The following PTPRD variants were observed in gnomAD, a reference collection of about 807,000 sequenced individuals.
The protein encoded by PTPRD is receptor-type tyrosine-protein phosphatase delta.
Under a neutral mutation model 214.5 loss-of-function variants are expected in PTPRD, and 34 were observed. That is an observed-to-expected ratio of 0.16 (90% CI 0.12 to 0.21). The LOEUF is 0.21. PTPRD is among the 10% of genes least tolerant of loss of function. The pLI is 1.00. For synonymous variants in PTPRD, 1,128 were observed against 845.7 expected (o/e 1.33, Z -5.79); for missense variants, 2,545 against 2,398.7 (o/e 1.06, Z -1.27).
chr9:8,452,702 C>G (rs2096008449), intron 33 of PTPRD, among the ~76,000 whole-genome samples: 1 of 152,116 alleles, frequency 6.6e-6, no homozygotes, highest in Non-Finnish European at 1.5e-5. Flanking sequence ...TGGAAGATCA[C>G]TTGACATTTT....
chr9:8,736,477 T>C (rs2090428895), intron 11 of PTPRD, among the ~76,000 whole-genome samples: 1 of 152,180 alleles, frequency 6.6e-6, no homozygotes, highest in South Asian at 2.1e-4. Context: ...CAGGAAATAC[T>C]AGAGATATCC....
intron 10 of PTPRD, among the ~76,000 whole-genome samples, chr9:9,025,397 C>G (rs2099583630): frequency 6.6e-6 from 1 of 151,946 alleles, no homozygotes. Flanking sequence ...AGCTCAGTAG[C>G]AAAATTGTGA....
rs796236031 is a variant in PTPRD at position 10,150,430 on chromosome 9, A to G, written c.-544-116640T>C. 7.2e-5 allele frequency among the ~76,000 whole-genome samples: 11 copies of G among 152,170 alleles called. 1 individual carries two copies. The highest frequency in any genetic ancestry group is 2.4e-4 in the African/African-American group (10 of 41,524). On this transcript the variant is annotated intron_variant, in intron 3 of 45. Coordinates refer to ENST00000381196, the MANE Select transcript of PTPRD (RefSeq NM_002839.4). Reference sequence around the variant, plus strand: ...GCAGAAACAGAAAATCAAACACTGAATGTTCTCACTCATAGGTGGGAATTG... The same window carrying G: ...GCAGAAACAGAAAATCAAACACTGAGTGTTCTCACTCATAGGTGGGAATTG...
intron 7 of PTPRD, among the ~76,000 whole-genome samples, chr9:9,659,053 G>C (rs554548227): frequency 2.6e-5 from 4 of 152,142 alleles, no homozygotes; most frequent in African/African-American, 9.6e-5. Context: ...GGAAAGATGA[G>C]AATGAAAGAA....
At chr9:8,441,946 T>TA (rs75990914) in intron 34 of PTPRD, among the ~76,000 whole-genome samples, 20,309 of 152,150 alleles carry the variant, frequency 0.13, 1,642 homozygotes, top group East Asian at 0.27. Context: ...GACATGTACA[T>TA]AAAGCTGGGT....
chr9:10,050,432 C>T (rs768833449), intron 3 of PTPRD, among the ~76,000 whole-genome samples: 5 of 150,652 alleles, frequency 3.3e-5, no homozygotes, highest in African/African-American at 1.2e-4. Context: ...TGGTGGCGCG[C>T]GTCTGTAGTC....
chr9:10,455,991 G>C (rs1246204550), intron 2 of PTPRD, among the ~76,000 whole-genome samples: 1 of 151,582 alleles, frequency 6.6e-6, no homozygotes, highest in African/African-American at 2.4e-5. Context: ...ATATTATATA[G>C]CTGTCTTTGT....
intron 11 of PTPRD, among the ~76,000 whole-genome samples, chr9:8,907,531 AAAATAT>A (rs1406279705): frequency 4.6e-4 from 59 of 127,030 alleles, no homozygotes; most frequent in African/African-American, 1.7e-3. Flanking sequence ...AAAAAAAAAA[AAAATAT>A]ATATATATAT....
chr9:9,390,592 T>C (rs1197086122), intron 9 of PTPRD, among the ~76,000 whole-genome samples: 1 of 152,180 alleles, frequency 6.6e-6, no homozygotes, highest in African/African-American at 2.4e-5. Context: ...TATTATTGCC[T>C]TAGGACAGGT....
At chr9:9,798,627 G>A (rs1372118447) in intron 5 of PTPRD, among the ~76,000 whole-genome samples, 3 of 152,080 alleles carry the variant, frequency 2.0e-5, no homozygotes, top group Non-Finnish European at 4.4e-5. Context: ...CCATATTTTG[G>A]GGTATCATGT....
chr9:9,726,693 T>A (rs1428175154), intron 7 of PTPRD, among the ~76,000 whole-genome samples: 1 of 152,204 alleles, frequency 6.6e-6, no homozygotes, highest in Non-Finnish European at 1.5e-5. Context: ...CATTTTCATA[T>A]GTCTCAACAT....
chr9:9,995,101 A>G (rs1418865141), intron 4 of PTPRD, among the ~76,000 whole-genome samples: 1 of 152,154 alleles, frequency 6.6e-6, no homozygotes, highest in Non-Finnish European at 1.5e-5. Flanking sequence ...ATGTAGAAAC[A>G]TACAATTAAA....
intron 4 of PTPRD, among the ~76,000 whole-genome samples, chr9:10,030,877 A>G (rs2097052218): frequency 6.6e-6 from 1 of 152,214 alleles, no homozygotes; most frequent in South Asian, 2.1e-4. Context: ...AACTTTGAGT[A>G]CAAAGCTGCT....
At chr9:9,384,216 T>C (rs1285183921) in intron 9 of PTPRD, among the ~76,000 whole-genome samples, 1 of 151,722 alleles carries the variant, frequency 6.6e-6, no homozygotes, top group Non-Finnish European at 1.5e-5. Flanking sequence ...GTATAGAAGA[T>C]GATGAATAAA....
chr9:8,568,109 T>C (rs1012540695), intron 14 of PTPRD, among the ~76,000 whole-genome samples: 1 of 152,160 alleles, frequency 6.6e-6, no homozygotes, highest in Non-Finnish European at 1.5e-5. Context: ...TTCTAAATAC[T>C]GCAAATTAAT....
At chr9:9,751,452 T>C (rs2098518544) in intron 6 of PTPRD, among the ~76,000 whole-genome samples, 4 of 152,028 alleles carry the variant, frequency 2.6e-5, no homozygotes, top group Admixed American at 2.6e-4. Context: ...TGACTACCTT[T>C]TATAAATTGA....
intron 2 of PTPRD, among the ~76,000 whole-genome samples, chr9:10,524,254 A>C (rs1160736497): frequency 1.3e-5 from 2 of 152,098 alleles, no homozygotes; most frequent in African/African-American, 4.8e-5. Context: ...ACTTGGGAGC[A>C]TCTATCACAC....
In PTPRD at chr9:8,497,245, T is replaced by C; in HGVS notation, c.2346A>G (p.Glu782=). ...AAAACAGTCAAAAATTACTCACATGTTCAGTAGTATCATCAAATTCCCACT... is the reference window on the plus strand; with the variant it reads ...AAAACAGTCAAAAATTACTCACATGCTCAGTAGTATCATCAAATTCCCACT... ...DAQWEFDDTT[E]HDMIISGLQP... is the part of the protein sequence containing the mutation. The change falls in exon 26 of 46, where the codon GAA becomes GAG. Residue 782 remains glutamate, a synonymous_variant. Transcript: ENST00000381196. 5.0e-6 allele frequency: 8 copies of C among 1,594,602 alleles called. No individual in the cohort carries two copies. The highest frequency in any genetic ancestry group is 6.8e-6 in the Non-Finnish European group (8 of 1,173,096).
chr9:9,771,348 C>T (rs1279751169), intron 5 of PTPRD, among the ~76,000 whole-genome samples: 1 of 152,156 alleles, frequency 6.6e-6, no homozygotes, highest in African/African-American at 2.4e-5. Flanking sequence ...AAACATATTT[C>T]CAAACCTAAT....
Sources: allele counts gnomAD v4.1 joint callset (sites outside exome capture counted in the v4.1 genomes callset), GRCh38; gene constraint gnomAD v4.1.1; transcripts MANE v1.5; gene names NCBI Gene and HGNC (gene_info 2026-07-23, HGNC 2026-07-21).